The following ENOX1 variants were observed in gnomAD, a reference collection of about 807,000 sequenced individuals.
The protein encoded by ENOX1 is candidate growth-related and time keeping constitutive hydroquinone (NADH) oxidase.
ENOX1 carries 42 observed loss-of-function variants against 82.5 expected under a neutral mutation model. That is an observed-to-expected ratio of 0.51 (90% confidence interval 0.40 to 0.66). ENOX1 has a LOEUF of 0.66. ENOX1 is among the 30% of genes least tolerant of loss of function. The pLI, the probability that ENOX1 is intolerant of heterozygous loss-of-function variation, is 0.00. For missense variants in ENOX1, 608 were observed against 811.6 expected, an observed-to-expected ratio of 0.75 and a Z score of 3.05; for synonymous variants, 271 against 282.2, an observed-to-expected ratio of 0.96 and a Z score of 0.40.
At chr13:43,724,078 T>G (rs1037462385) in intron 1 of ENOX1, among the ~76,000 whole-genome samples, 2 of 152,204 alleles carry the variant, frequency 1.3e-5, no homozygotes, top group African/African-American at 4.8e-5. Flanking sequence ...AAATCATACA[T>G]GACATCACAT....
At chr13:43,485,768 T>G (rs1483349053) in intron 2 of ENOX1, among the ~76,000 whole-genome samples, 4 of 152,314 alleles carry the variant, frequency 2.6e-5, no homozygotes, top group Non-Finnish European at 5.9e-5. Flanking sequence ...TCTGTTTACT[T>G]CATACCACTC....
intron 2 of ENOX1, among the ~76,000 whole-genome samples, chr13:43,600,883 C>G (rs181322864): frequency 5.9e-5 from 9 of 152,290 alleles, no homozygotes; most frequent in Admixed American, 1.3e-4. Flanking sequence ...GAGTCTCTGC[C>G]TGGTAATCCA....
intron 1 of ENOX1, among the ~76,000 whole-genome samples, chr13:43,685,219 T>G (rs556235213): frequency 6.6e-6 from 1 of 152,264 alleles, no homozygotes; most frequent in East Asian, 1.9e-4. Context: ...ATCTAGTTGA[T>G]CCGCATTTTC....
intron 2 of ENOX1, among the ~76,000 whole-genome samples, chr13:43,541,055 A>G (rs895100900): frequency 6.6e-6 from 1 of 152,088 alleles, no homozygotes; most frequent in African/African-American, 2.4e-5. Flanking sequence ...TAGACCATTT[A>G]TCAAATCTAC....
At chr13:43,688,110 C>G (rs1032966610) in intron 1 of ENOX1, among the ~76,000 whole-genome samples, 3 of 152,092 alleles carry the variant, frequency 2.0e-5, no homozygotes, top group Admixed American at 1.3e-4. Context: ...AGGATTTTAA[C>G]CAAGGTAGTG....
chr13:43,530,999 T>G (rs1199691342), intron 2 of ENOX1, among the ~76,000 whole-genome samples: 4 of 151,848 alleles, frequency 2.6e-5, no homozygotes. Flanking sequence ...TATAAAATAA[T>G]AAGTGGGAAA....
intron 2 of ENOX1, among the ~76,000 whole-genome samples, chr13:43,611,066 A>G (rs2082180229): frequency 6.6e-6 from 1 of 152,178 alleles, no homozygotes. Flanking sequence ...AGCAACTCTT[A>G]CTGTTATCTC....
intron 1 of ENOX1, among the ~76,000 whole-genome samples, chr13:43,734,529 T>TTC (rs1359797712): frequency 2.0e-5 from 3 of 152,310 alleles, no homozygotes; most frequent in Non-Finnish European, 2.9e-5. Flanking sequence ...CTGCCTTCCT[T>TTC]TCCTAAGGAA....
chr13:43,752,889 T>C (rs1325701821), intron 1 of ENOX1, among the ~76,000 whole-genome samples: 1 of 151,910 alleles, frequency 6.6e-6, no homozygotes, highest in Non-Finnish European at 1.5e-5. Flanking sequence ...AGACAGAGTC[T>C]CACTCTCTCA....
At chr13:43,523,468 G>A (rs2077858943) in intron 2 of ENOX1, among the ~76,000 whole-genome samples, 1 of 152,150 alleles carries the variant, frequency 6.6e-6, no homozygotes, top group Admixed American at 6.5e-5. Flanking sequence ...GAGAAGATGC[G>A]AGGAGGGCAA....
chr13:43,746,042 G>A (rs1414917621), intron 1 of ENOX1, among the ~76,000 whole-genome samples: 2 of 151,908 alleles, frequency 1.3e-5, no homozygotes, highest in East Asian at 1.9e-4. Context: ...AAAAATTGAG[G>A]TATATCTATT....
intron 12 of ENOX1, among the ~76,000 whole-genome samples, chr13:43,282,599 T>G (rs192610458): frequency 5.9e-4 from 89 of 151,962 alleles, no homozygotes; most frequent in African/African-American, 2.1e-3. Flanking sequence ...AATTTTTAAA[T>G]TTTTTATAGA....
intron 3 of ENOX1, among the ~76,000 whole-genome samples, chr13:43,438,849 C>G (rs1359333471): frequency 2.6e-5 from 4 of 152,130 alleles, no homozygotes; most frequent in Non-Finnish European, 4.4e-5. Context: ...AAAGGAGATT[C>G]TGATATGCAT....
chr13:43,224,045 T>G lies in ENOX1; in HGVS notation c.1800+8A>C, dbSNP rs748022100. ...GCAACGAAAGTTCACTCGAGCAAAA[T>G]AATTTACCTTGGAGTCCAGCTGCTG... On this transcript the variant is annotated splice_region_variant and intron_variant, in intron 16 of 16. Transcript: ENST00000690772. 6.2e-7 allele frequency: 1 copy of G among 1,611,556 alleles called. No homozygotes were observed. The highest frequency in any genetic ancestry group is 1.1e-5 in the South Asian group (1 of 90,940).
At chr13:43,503,629 A>G (rs2077053149) in intron 2 of ENOX1, among the ~76,000 whole-genome samples, 1 of 151,660 alleles carries the variant, frequency 6.6e-6, no homozygotes, top group South Asian at 2.1e-4. Context: ...TAAACAAATG[A>G]TGGTGGAAAA....
At chr13:43,649,072 C>T (rs2084030514) in intron 2 of ENOX1, among the ~76,000 whole-genome samples, 1 of 152,196 alleles carries the variant, frequency 6.6e-6, no homozygotes, top group African/African-American at 2.4e-5. Flanking sequence ...AATAAAGTGT[C>T]ATATCATGTA....
At chr13:43,435,693 A>C (rs2055980577) in intron 3 of ENOX1, among the ~76,000 whole-genome samples, 2 of 152,210 alleles carry the variant, frequency 1.3e-5, no homozygotes, top group South Asian at 4.1e-4. Flanking sequence ...TGCTTTTTTA[A>C]ATATAATGGT....
At chr13:43,751,222 A>C (rs1950294217) in intron 1 of ENOX1, among the ~76,000 whole-genome samples, 1 of 152,164 alleles carries the variant, frequency 6.6e-6, no homozygotes, top group African/African-American at 2.4e-5. Context: ...TTCCCAGCTC[A>C]GCTAAGGTCA....
chr13:43,370,314 C>T (rs2051145445), intron 5 of ENOX1, among the ~76,000 whole-genome samples: 1 of 152,068 alleles, frequency 6.6e-6, no homozygotes, highest in Non-Finnish European at 1.5e-5. Context: ...TTGTAGTGAG[C>T]CGAGATCGCG....
Sources: gnomAD v4.1 joint callset for allele counts (sites outside exome capture counted in the v4.1 genomes callset) on GRCh38, gnomAD v4.1.1 for gene constraint, MANE v1.5 for transcripts, NCBI Gene and HGNC (gene_info 2026-07-23, HGNC 2026-07-21) for gene names.